Variants in FAM222B observed in about 807,000 individuals in gnomAD.
The protein encoded by FAM222B is family with sequence similarity 222 member B, also known as protein FAM222B.
In FAM222B, 12 loss-of-function variants were observed where a neutral mutation model predicts 38.0. The ratio of observed to expected loss-of-function variants is 0.32; its 90% CI spans 0.20 to 0.51. FAM222B has a LOEUF of 0.51. Among genes scored for constraint, FAM222B ranks in the 20% least tolerant of loss-of-function variants. The probability of loss-of-function intolerance (pLI) is 0.97; values close to 1 mark genes in which losing one functional copy is unlikely to be tolerated. For synonymous variants in FAM222B, 329 were observed against 317.2 expected, an observed-to-expected ratio of 1.04 and a Z score of -0.40; for missense variants, 716 against 754.2, an observed-to-expected ratio of 0.95 and a Z score of 0.59.
chr17:28,809,300 G>A (rs2037632439), intron 1 of FAM222B, among the ~76,000 whole-genome samples: 1 of 149,882 alleles, frequency 6.7e-6, no homozygotes, highest in South Asian at 2.1e-4. Context: ...GCAGTGAGCA[G>A]AGAGATTGTG....
chr17:28,809,369 AGAG>A (rs1326227489), intron 1 of FAM222B, among the ~76,000 whole-genome samples: 1 of 148,892 alleles, frequency 6.7e-6, no homozygotes. Context: ...AAAAAAAAAA[AGAG>A]AGAGAGAGAG....
At chr17:28,775,931 C>G (rs1435984982) in intron 1 of FAM222B, among the ~76,000 whole-genome samples, 1 of 151,306 alleles carries the variant, frequency 6.6e-6, no homozygotes, top group Non-Finnish European at 1.5e-5. Flanking sequence ...ACAAAAAGAG[C>G]CGGGCATGGT....
intron 1 of FAM222B, among the ~76,000 whole-genome samples, chr17:28,775,773 C>T (rs999773499): frequency 1.3e-5 from 2 of 151,072 alleles, no homozygotes; most frequent in Non-Finnish European, 2.9e-5. Flanking sequence ...CCCAGCTACT[C>T]AGGAGGCTGA....
chr17:28,810,826 C>G (rs1056719476), intron 1 of FAM222B, among the ~76,000 whole-genome samples: 1 of 152,130 alleles, frequency 6.6e-6, no homozygotes, highest in South Asian at 2.1e-4. Flanking sequence ...TTTCCTATCC[C>G]ATTATCCCTA....
chr17:28,846,294 A>C (rs1434943036), upstream of FAM222B, among the ~76,000 whole-genome samples: 1 of 151,698 alleles, frequency 6.6e-6, no homozygotes, highest in African/African-American at 2.4e-5. Flanking sequence ...ACTTGAACCC[A>C]GGAGGCAGAG....
At chr17:28,827,270 T>C (rs967572783) in intron 1 of FAM222B, among the ~76,000 whole-genome samples, 3 of 152,026 alleles carry the variant, frequency 2.0e-5, no homozygotes, top group East Asian at 1.9e-4. Flanking sequence ...GGCAGGAGGA[T>C]TGCTTGAGCC....
chr17:28,822,647 C>A (rs2038268766), intron 1 of FAM222B, among the ~76,000 whole-genome samples: 1 of 140,278 alleles, frequency 7.1e-6, no homozygotes, highest in East Asian at 2.2e-4. Flanking sequence ...AATAATAATA[C>A]AAAATTAGCC....
At chr17:28,836,180 G>A (rs1274912036) in intron 1 of FAM222B, among the ~76,000 whole-genome samples, 1 of 151,426 alleles carries the variant, frequency 6.6e-6, no homozygotes, top group Admixed American at 6.6e-5. Context: ...AGAAGAGATG[G>A]GGTTTCACCA....
At chr17:28,825,433 CAAAAAAA>C (rs935599439) in intron 1 of FAM222B, among the ~76,000 whole-genome samples, 1 of 41,302 alleles carries the variant, frequency 2.4e-5, no homozygotes, top group Non-Finnish European at 5.3e-5. Flanking sequence ...GATCCCGTCT[CAAAAAAA>C]AAAAAAAAAA....
At chr17:28,791,100 C>T (rs556397752) in intron 1 of FAM222B, among the ~76,000 whole-genome samples, 31 of 151,050 alleles carry the variant, frequency 2.1e-4, no homozygotes, top group African/African-American at 6.6e-4. Flanking sequence ...TTAGTAGAGA[C>T]GGGGTTTCAC....
intron 1 of FAM222B, among the ~76,000 whole-genome samples, chr17:28,778,181 A>G (rs1384818685): frequency 2.6e-5 from 4 of 151,906 alleles, no homozygotes; most frequent in Admixed American, 2.6e-4. Context: ...TGCTGCACCT[A>G]TCAACCTGTC....
chr17:28,760,860 T>C (rs1296256163), intron 2 of FAM222B, among the ~76,000 whole-genome samples: 2 of 152,170 alleles, frequency 1.3e-5, no homozygotes, highest in Admixed American at 6.6e-5. Flanking sequence ...CCAACATCTC[T>C]CCCCTTCCCC....
chr17:28,761,108 T>TTGGAGACTGCGGAAATGCCC (rs1300796222), intron 2 of FAM222B, among the ~76,000 whole-genome samples: 8 of 152,228 alleles, frequency 5.3e-5, no homozygotes, highest in African/African-American at 1.7e-4. Flanking sequence ...CTGCCTGCCT[T>TTGGAGACTGCGGAAATGCCC]TGGAGACTGC....
intron 2 of FAM222B, among the ~76,000 whole-genome samples, chr17:28,761,209 C>T (rs1372850733): frequency 6.6e-6 from 1 of 152,226 alleles, no homozygotes; most frequent in African/African-American, 2.4e-5. Flanking sequence ...AGCGGATGTC[C>T]GGCTTCCAGT....
At chr17:28,837,202 G>A (rs1598052510) in intron 1 of FAM222B, among the ~76,000 whole-genome samples, 3 of 151,992 alleles carry the variant, frequency 2.0e-5, no homozygotes, top group South Asian at 2.1e-4. Context: ...AGGCTGAGAC[G>A]GGTGGATCAC....
At position 28,818,649 on chromosome 17, in the gene FAM222B, G is replaced by A. The variant is rs888698342; in HGVS notation, c.-41+24033C>T. 3.3e-5 allele frequency among the ~76,000 whole-genome samples: 5 copies of A among 152,216 alleles called. No individual in the cohort carries two copies. The South Asian group carries it at 1.0e-3, about 32-fold the overall frequency. On this transcript the variant is annotated intron_variant, in intron 1 of 2. Coordinates refer to ENST00000581407, the MANE Select transcript of FAM222B (RefSeq NM_001077498.3). ...TCAAAGTCACGACAAGGGTGCCAAA[G>A]GGAAACACTTGTATGGTATATTTTT...
intron 1 of FAM222B, among the ~76,000 whole-genome samples, chr17:28,782,903 C>T (rs1055605691): frequency 1.3e-5 from 2 of 151,918 alleles, no homozygotes; most frequent in Non-Finnish European, 2.9e-5. Flanking sequence ...TTTGGGAGGC[C>T]GAGGCAGGCG....
upstream of FAM222B, among the ~76,000 whole-genome samples, chr17:28,845,308 G>A (rs568047201): frequency 6.6e-6 from 1 of 151,938 alleles, no homozygotes; most frequent in African/African-American, 2.4e-5. Context: ...GGCTGAGGCG[G>A]GAGAATGGCG....
chr17:28,763,218 T>C (rs1407650336), intron 2 of FAM222B, among the ~76,000 whole-genome samples: 1 of 152,218 alleles, frequency 6.6e-6, no homozygotes, highest in African/African-American at 2.4e-5. Flanking sequence ...CATTCCTCAA[T>C]TATCAACAGG....
Sources: gnomAD v4.1 joint callset for allele counts (sites outside exome capture counted in the v4.1 genomes callset) on GRCh38, gnomAD v4.1.1 for gene constraint, MANE v1.5 for transcripts, NCBI Gene and HGNC (gene_info 2026-07-23, HGNC 2026-07-21) for gene names.